RTN4IP1: variants seen among roughly 807,000 people sequenced by gnomAD.
RTN4IP1 encodes the protein NAD(P)H oxidoreductase RTN4IP1, mitochondrial.
Under a neutral mutation model 46.6 loss-of-function variants are expected in RTN4IP1, and 32 were observed. That is an observed-to-expected ratio of 0.69 (90% CI 0.52 to 0.92). The LOEUF (loss-of-function observed/expected upper bound fraction) is 0.92. Among genes scored for constraint, RTN4IP1 ranks in the 40% least tolerant of loss-of-function variants. RTN4IP1 has a pLI of 0.00. For missense variants in RTN4IP1, 424 were observed against 485.8 expected, an observed-to-expected ratio of 0.87 and a Z score of 1.20; for synonymous variants, 167 against 161.8, an observed-to-expected ratio of 1.03 and a Z score of -0.24.
intron 4 of RTN4IP1, among the ~76,000 whole-genome samples, chr6:106,616,842 C>T (rs372808282): frequency 6.6e-6 from 1 of 152,030 alleles, no homozygotes; most frequent in Non-Finnish European, 1.5e-5. Flanking sequence ...TTCAGTAAAC[C>T]GAAATTTCTG....
chr6:106,597,424 A>C (rs901045439), intron 5 of RTN4IP1, among the ~76,000 whole-genome samples: 2 of 152,140 alleles, frequency 1.3e-5, no homozygotes, highest in Non-Finnish European at 2.9e-5. Flanking sequence ...AGCTCACTGC[A>C]GCCTCGACCT....
At chr6:106,581,240 A>G (rs1259516600) in intron 8 of RTN4IP1, among the ~76,000 whole-genome samples, 1 of 152,202 alleles carries the variant, frequency 6.6e-6, no homozygotes. Context: ...TCAAAGTTCA[A>G]GTATTTTAAA....
At chr6:106,589,184 GGAGGGA>G (rs1775567041) in intron 6 of RTN4IP1, among the ~76,000 whole-genome samples, 1 of 16,404 alleles carries the variant, frequency 6.1e-5, no homozygotes, top group Non-Finnish European at 1.5e-4. Flanking sequence ...AGGAGGAGGA[GGAGGGA>G]GGAGGAGGAG....
At chr6:106,599,927 A>G (rs1318684783) in intron 5 of RTN4IP1, among the ~76,000 whole-genome samples, 5 of 151,792 alleles carry the variant, frequency 3.3e-5, no homozygotes, top group African/African-American at 1.2e-4. Flanking sequence ...TTTATACTCT[A>G]ACCAACTGTG....
chr6:106,608,031 C>T (rs1776130717), intron 4 of RTN4IP1, among the ~76,000 whole-genome samples: 1 of 152,230 alleles, frequency 6.6e-6, no homozygotes, highest in South Asian at 2.1e-4. Context: ...TCTGCACTCC[C>T]ATGTTTAATA....
chr6:106,600,310 G>A (rs1311118340), intron 5 of RTN4IP1, among the ~76,000 whole-genome samples: 1 of 151,686 alleles, frequency 6.6e-6, no homozygotes, highest in Non-Finnish European at 1.5e-5. Context: ...CCTCTTCTAG[G>A]AGCCAGTCAG....
intron 5 of RTN4IP1, among the ~76,000 whole-genome samples, chr6:106,600,453 T>C (rs1172083642): frequency 6.6e-6 from 1 of 152,130 alleles, no homozygotes; most frequent in Non-Finnish European, 1.5e-5. Flanking sequence ...TTTTAAAGTA[T>C]TTAAAGTATA....
chr6:106,612,655 T>TACCTACTCCACCCTAACTCATTCTCATC (rs57330586), intron 4 of RTN4IP1, among the ~76,000 whole-genome samples: 140,345 of 151,796 alleles, frequency 0.92, 65,403 homozygotes, highest in Non-Finnish European at 0.99. Flanking sequence ...CTTTTACAAT[T>TACCTACTCCACCCTAACTCATTCTCATC]ACCTGCTCCA....
At chr6:106,589,290 GAGA>G (rs200667038) in intron 6 of RTN4IP1, among the ~76,000 whole-genome samples, 1 of 102,162 alleles carries the variant, frequency 9.8e-6, no homozygotes, top group Non-Finnish European at 2.1e-5. Flanking sequence ...GAAGAAGAAA[GAGA>G]AGAAGAAGAG....
intron 8 of RTN4IP1, among the ~76,000 whole-genome samples, chr6:106,575,070 C>T (rs1775191030): frequency 6.6e-6 from 1 of 152,202 alleles, no homozygotes; most frequent in African/African-American, 2.4e-5. Flanking sequence ...TGTCTATGTA[C>T]AGCCTCACAT....
At chr6:106,596,273 C>T (rs1433133655) in intron 5 of RTN4IP1, among the ~76,000 whole-genome samples, 1 of 152,164 alleles carries the variant, frequency 6.6e-6, no homozygotes, top group Non-Finnish European at 1.5e-5. Context: ...CACACATACA[C>T]AAAATATCTC....
At chr6:106,609,970 A>AG (rs1193119872) in intron 4 of RTN4IP1, among the ~76,000 whole-genome samples, 18 of 152,264 alleles carry the variant, frequency 1.2e-4, no homozygotes, top group African/African-American at 4.1e-4. Context: ...AGGAGCCCTG[A>AG]GGACACATCG....
At chr6:106,602,830 G>T (rs1451921493) in intron 5 of RTN4IP1, 44 bp downstream of exon 5, 4 of 1,342,110 alleles carry the variant, frequency 3.0e-6, no homozygotes, top group Admixed American at 2.2e-5. Flanking sequence ...ATAAATTCAT[G>T]CAAACAAAAT....
chr6:106,583,314 C>G lies in RTN4IP1; in HGVS notation c.1083+14G>C. On this transcript the variant is annotated intron_variant, in intron 8 of 8. Transcript: ENST00000369063. The stretch of plus-strand genomic sequence containing the variant: ...ATACAAAGGCTTCCAATCCAGGTTT[C>G]CAGGTGCACGTACCTTTCCCGCATC... The G allele has an allele frequency of 3.1e-6, 5 of 1,607,932 alleles. No individual in the cohort carries two copies. Among genetic ancestry groups the G allele is most frequent in the Non-Finnish European group, 4.3e-6 (5 of 1,175,150 alleles).
At chr6:106,612,142 T>G (rs1225177219) in intron 4 of RTN4IP1, among the ~76,000 whole-genome samples, 1 of 152,008 alleles carries the variant, frequency 6.6e-6, no homozygotes, top group African/African-American at 2.4e-5. Context: ...ATCCCAGGAC[T>G]TTGGGAGGCC....
chr6:106,596,396 A>C lies in RTN4IP1; in HGVS notation c.670-4096T>G, dbSNP rs185098685. ...CCAGGAATTTGAGACCAGCCCAGGC[A>C]ACACAGCAAGACCCCATCGCTACAA... is the stretch of plus-strand genomic sequence containing the variant. On this transcript the variant is annotated intron_variant, in intron 5 of 8. Coordinates refer to ENST00000369063, the MANE Select transcript of RTN4IP1 (RefSeq NM_032730.5). 1.0e-3 allele frequency among the ~76,000 whole-genome samples: 156 copies of C among 152,298 alleles called. 1 individual carries two copies. The highest frequency in any genetic ancestry group is 3.5e-3 in the African/African-American group (147 of 41,564).
At chr6:106,576,523 A>C (rs1339227626) in intron 8 of RTN4IP1, among the ~76,000 whole-genome samples, 1 of 152,174 alleles carries the variant, frequency 6.6e-6, no homozygotes, top group Non-Finnish European at 1.5e-5. Context: ...TAATCACTAC[A>C]TTCTTTCTAT....
intron 1 of RTN4IP1, among the ~76,000 whole-genome samples, chr6:106,626,600 CT>C (rs938110528): frequency 6.6e-6 from 1 of 152,170 alleles, no homozygotes; most frequent in Non-Finnish European, 1.5e-5. Flanking sequence ...TCTTGGTCCC[CT>C]GATAATGCTA....
chr6:106,584,115 A>G (rs1775429610), intron 7 of RTN4IP1, among the ~76,000 whole-genome samples: 1 of 152,130 alleles, frequency 6.6e-6, no homozygotes, highest in African/African-American at 2.4e-5. Flanking sequence ...TTCTTTGTTT[A>G]TTTAATTGAG....
Sources: allele counts gnomAD v4.1 joint callset (sites outside exome capture counted in the v4.1 genomes callset), GRCh38; gene constraint gnomAD v4.1.1; transcripts MANE v1.5; gene names NCBI Gene and HGNC (gene_info 2026-07-23, HGNC 2026-07-21).